The following SMYD1 variants were observed in gnomAD, a reference collection of about 807,000 sequenced individuals.
SMYD1 encodes the protein SET and MYND domain containing 1.
Under a neutral mutation model 54.0 loss-of-function variants are expected in SMYD1, and 49 were observed. That is an observed-to-expected ratio of 0.91 (90% CI 0.72 to 1.15). The LOEUF (loss-of-function observed/expected upper bound fraction) is 1.15, where lower values mean the gene tolerates loss of function less well. Ranked by LOEUF, SMYD1 falls within the 50% of genes most tolerant of loss-of-function variation. The pLI is 0.00. For missense variants in SMYD1, 653 were observed against 639.6 expected, an observed-to-expected ratio of 1.02 and a Z score of -0.23; for synonymous variants, 269 against 234.2, an observed-to-expected ratio of 1.15 and a Z score of -1.36.
intron 1 of SMYD1, among the ~76,000 whole-genome samples, chr2:88,068,569 A>G (rs1031998338): frequency 6.7e-6 from 1 of 150,040 alleles, no homozygotes; most frequent in South Asian, 2.1e-4. Flanking sequence ...TATTACATAC[A>G]TATATCTGCA....
intron 1 of SMYD1, among the ~76,000 whole-genome samples, chr2:88,079,464 C>T (rs1424022656): frequency 2.0e-5 from 3 of 152,176 alleles, no homozygotes; most frequent in South Asian, 2.1e-4. Flanking sequence ...ACCCCACAAG[C>T]AGCGTGGACT....
Position 88,067,883 on chromosome 2 carries a change from G to C in SMYD1, c.19G>C (p.Glu7Gln), listed in dbSNP as rs1424699200. 2 of 1,613,966 alleles carry C rather than the reference G, an allele frequency of 1.2e-6. No individual in the cohort carries two copies. Among genetic ancestry groups the C allele is most frequent in the Middle Eastern group, 1.7e-4 (1 of 6,022 alleles). Residue 7 changes from glutamate to glutamine, a missense_variant, in exon 1 of 10, where the codon GAG (glutamate) becomes CAG (glutamine). By Grantham distance (29) the Glu-to-Gln change is conservative (BLOSUM62 2). Transcript: ENST00000419482. ...CTCTGAGATGACAATAGGGAGAATG[G>C]AGAACGTGGAGGTCTTCACCGCTGA... MTIGRM[E>Q]NVEVFTAEGK... is the part of the protein sequence containing the mutation.
chr2:88,101,228 G>C (rs1048252002), intron 6 of SMYD1, among the ~76,000 whole-genome samples: 4 of 152,230 alleles, frequency 2.6e-5, no homozygotes, highest in African/African-American at 9.6e-5. Flanking sequence ...AGTTTACTGA[G>C]GGTGGCTTCA....
intron 6 of SMYD1, among the ~76,000 whole-genome samples, chr2:88,099,780 G>A (rs1674677897): frequency 6.6e-6 from 1 of 151,302 alleles, no homozygotes; most frequent in Admixed American, 6.6e-5. Context: ...AATTTTTCCA[G>A]GCTTGGGAAC....
intron 1 of SMYD1, among the ~76,000 whole-genome samples, chr2:88,079,235 T>C (rs1364694187): frequency 6.6e-6 from 1 of 152,250 alleles, no homozygotes; most frequent in Admixed American, 6.5e-5. Flanking sequence ...AGCCTTCTCC[T>C]GGTCACAGTG....
In SMYD1 at chr2:88,108,408, G is replaced by A. The variant is rs1205453259; in HGVS notation, c.1183G>A (p.Ala395Thr). 3 of 1,608,998 alleles carry A rather than the reference G, an allele frequency of 1.9e-6. No individual in the cohort carries two copies. The highest frequency in any genetic ancestry group is 1.1e-5 in the South Asian group (1 of 89,942). Residue 395 changes from alanine (A) to threonine (T), a missense_variant, in exon 9 of 10, where the codon GCC becomes ACC. Physicochemically the swap from Ala to Thr is moderately conservative, Grantham distance 58. Transcript: ENST00000419482. Reference sequence around the variant, plus strand: ...CCCCAACAATGCCCAACTGGGCATGGCCGTGATGCGGGCAGGGCTGACCAA... The same window carrying A: ...CCCCAACAATGCCCAACTGGGCATGACCGTGATGCGGGCAGGGCTGACCAA... The part of the protein sequence containing the change: ...YHPNNAQLGM[A>T]VMRAGLTNWH...
At chr2:88,106,210 A>C in intron 7 of SMYD1, 115 bp from the exon 8 acceptor site, 1 of 1,376,284 alleles carries the variant, frequency 7.3e-7, no homozygotes, top group South Asian at 1.4e-5. Flanking sequence ...CTCTGTCAGC[A>C]ATTGCCCCAG....
chr2:88,098,378 G>A (rs1674649525), intron 6 of SMYD1, among the ~76,000 whole-genome samples: 1 of 152,114 alleles, frequency 6.6e-6, no homozygotes, highest in African/African-American at 2.4e-5. Context: ...GCTGTTACCA[G>A]CTGGTGACAA....
chr2:88,078,361 T>C lies in SMYD1; in HGVS notation c.138-5955T>C, dbSNP rs553225083. Among the ~76,000 whole-genome samples, 6 of 152,336 alleles carry C rather than the reference T, an allele frequency of 3.9e-5. No individual in the cohort carries two copies. In the East Asian group the frequency reaches 9.6e-4, roughly 24 times the overall value. On this transcript the variant is annotated intron_variant, in intron 1 of 9. Coordinates refer to ENST00000419482, the MANE Select transcript of SMYD1 (RefSeq NM_198274.4). ...TTTTAAAATAGTAAGTATATTTCATTCAAAAGTACTGGTCAGTAGTCTAAA... is the reference window on the plus strand; with the variant it reads ...TTTTAAAATAGTAAGTATATTTCATCCAAAAGTACTGGTCAGTAGTCTAAA...
chr2:88,069,002 T>A (rs371158708), intron 1 of SMYD1, among the ~76,000 whole-genome samples: 56 of 152,302 alleles, frequency 3.7e-4, no homozygotes, highest in African/African-American at 1.2e-3. Flanking sequence ...GGATGTGATG[T>A]TTTCAGTTTT....
At chr2:88,070,469 A>G (rs1325711386) in intron 1 of SMYD1, among the ~76,000 whole-genome samples, 3 of 151,870 alleles carry the variant, frequency 2.0e-5, no homozygotes, top group Non-Finnish European at 2.9e-5. Context: ...ATATTCTAAC[A>G]TATATATTAT....
rs1002803849 is a variant in SMYD1, at chr2:88,110,590, C to A, written c.*78C>A. 11 of 1,416,756 alleles carry A rather than the reference C, an allele frequency of 7.8e-6. No homozygotes were observed. Among genetic ancestry groups the A allele is most frequent in the South Asian group, 1.6e-5 (1 of 63,842 alleles). 87.8% of individuals were successfully genotyped at this position (1,416,756 alleles called of 1,614,324 possible). On this transcript the variant is annotated 3_prime_UTR_variant, in exon 10 of 10. Transcript: ENST00000419482. ...TGGAGGTGGTGGGTCTCTCGGGAGA[C>A]CCCTAATGAGGAAGTTGAGGTAATG...
At chr2:88,086,991 C>G (rs1156349992) in intron 2 of SMYD1, among the ~76,000 whole-genome samples, 1 of 113,592 alleles carries the variant, frequency 8.8e-6, no homozygotes, top group South Asian at 3.5e-4. Context: ...CCCCTCCCCC[C>G]ACCCCACCAC....
intron 1 of SMYD1, among the ~76,000 whole-genome samples, chr2:88,081,234 G>C (rs1182528983): frequency 6.6e-6 from 1 of 151,828 alleles, no homozygotes; most frequent in East Asian, 1.9e-4. Context: ...TTGTGATGAT[G>C]GTTCTGTGGG....
intron 1 of SMYD1, among the ~76,000 whole-genome samples, chr2:88,079,108 CATGAG>C (rs1455801621): frequency 6.6e-6 from 1 of 152,228 alleles, no homozygotes; most frequent in African/African-American, 2.4e-5. Context: ...CAAAGAATCT[CATGAG>C]ATAACAGGAA....
intron 1 of SMYD1, 60 bp downstream of exon 1, chr2:88,068,061 A>G: frequency 6.5e-7 from 1 of 1,541,970 alleles, no homozygotes; most frequent in Non-Finnish European, 8.8e-7. Flanking sequence ...AAACTCTAAA[A>G]TACTTTGCTC....
At chr2:88,079,774 T>C (rs1388332949) in intron 1 of SMYD1, among the ~76,000 whole-genome samples, 1 of 152,166 alleles carries the variant, frequency 6.6e-6, no homozygotes, top group Non-Finnish European at 1.5e-5. Flanking sequence ...TGAGCCGAGA[T>C]CATGTCATTG....
Position 88,069,959 on chromosome 2 carries a change from A to G in SMYD1, c.137+1958A>G, listed in dbSNP as rs1191938912. On this transcript the variant is annotated intron_variant, in intron 1 of 9. Transcript: ENST00000419482. ...TGTTTCCATGTTTTTGTTATTATAA[A>G]TAATTTGTCATTCATTTGAAGTAAC... Among the ~76,000 whole-genome samples the G allele has an allele frequency of 4.6e-5, 7 of 152,220 alleles. No homozygotes were observed. In the East Asian group the frequency reaches 1.2e-3, roughly 25 times the overall value.
At chr2:88,087,764 G>C in intron 2 of SMYD1, 98 bp from the exon 3 acceptor site, 1 of 1,076,358 alleles carries the variant, frequency 9.3e-7, no homozygotes, top group East Asian at 2.7e-5. Flanking sequence ...CGTATCTTGG[G>C]CCCAACATTG....
Sources: allele counts gnomAD v4.1 joint callset (sites outside exome capture counted in the v4.1 genomes callset), GRCh38; gene constraint gnomAD v4.1.1; transcripts MANE v1.5; gene names NCBI Gene and HGNC (gene_info 2026-07-23, HGNC 2026-07-21).